Variants in METTL15 observed in about 807,000 individuals in gnomAD.
METTL15 encodes methyltransferase 15, mitochondrial 12S rRNA N4-cytidine, also known as 12S rRNA N(4)-cytidine methyltransferase METTL15.
Under a neutral mutation model 38.3 loss-of-function variants are expected in METTL15, and 34 were observed. The ratio of observed to expected loss-of-function variants is 0.89; its 90% CI spans 0.68 to 1.18. The LOEUF (loss-of-function observed/expected upper bound fraction) is 1.18. METTL15 is among the 50% of genes most tolerant of loss of function. The probability of loss-of-function intolerance (pLI) is 0.00; values close to 1 mark genes in which losing one functional copy is unlikely to be tolerated. For missense variants in METTL15, 438 were observed against 498.4 expected (o/e 0.88, Z 1.15); for synonymous variants, 162 against 170.9 (o/e 0.95, Z 0.41).
chr11:28,282,257 G>A (rs1856083707), intron 4 of METTL15, among the ~76,000 whole-genome samples: 1 of 152,116 alleles, frequency 6.6e-6, no homozygotes, highest in African/African-American at 2.4e-5. Context: ...TTCTGGCACG[G>A]GAACCTTGCC....
At chr11:28,317,018 T>C (rs1857503208) in intron 6 of METTL15, among the ~76,000 whole-genome samples, 1 of 152,178 alleles carries the variant, frequency 6.6e-6, no homozygotes, top group South Asian at 2.1e-4. Flanking sequence ...TATTGAAAAA[T>C]AGTTATGAAA....
intron 3 of METTL15, among the ~76,000 whole-genome samples, chr11:28,138,565 T>A (rs1170024373): frequency 6.6e-6 from 1 of 152,184 alleles, no homozygotes; most frequent in Non-Finnish European, 1.5e-5. Context: ...CTAGAATCTT[T>A]AAAGGTGGCT....
chr11:28,190,691 A>AAT lies in METTL15; in HGVS notation c.271-20369_271-20368dup, dbSNP rs1378394750. 2.0e-5 allele frequency among the ~76,000 whole-genome samples: 3 copies of AAT among 151,410 alleles called. No homozygotes were observed. In the East Asian group the frequency reaches 5.8e-4, roughly 29 times the overall value. On this transcript the variant is annotated intron_variant, in intron 3 of 6. Coordinates refer to ENST00000407364, the MANE Select transcript of METTL15 (RefSeq NM_001113528.2). The stretch of plus-strand genomic sequence containing the variant: ...TATGATGCTTATATATGAAGTGTTT[A>AAT]ATAATTTTCTACTGAATTAGGAATG...
intron 6 of METTL15, among the ~76,000 whole-genome samples, chr11:28,433,158 G>GT (rs1564930335): frequency 8.8e-6 from 1 of 113,624 alleles, no homozygotes. Context: ...CTCAGGTTTT[G>GT]TTTTGTTTTT....
intron 6 of METTL15, among the ~76,000 whole-genome samples, chr11:28,435,542 A>C (rs1156486400): frequency 6.6e-6 from 1 of 152,186 alleles, no homozygotes; most frequent in African/African-American, 2.4e-5. Context: ...TTTCTTGCCC[A>C]CTTCAGAAGA....
At position 28,438,406 on chromosome 11, in the gene METTL15, A is replaced by T. The variant is rs1851001966; in HGVS notation, c.*424+14042A>T. On this transcript the variant is annotated intron_variant and NMD_transcript_variant, in intron 6 of 7. Transcript: ENST00000532947. ...TGTCCTACATCGGGTTGTCTGGTAG[A>T]TCTTAAAGTCCTTCCTTTGGTCCCA... is the stretch of plus-strand genomic sequence containing the variant. 2.0e-5 allele frequency among the ~76,000 whole-genome samples: 3 copies of T among 152,272 alleles called. No homozygotes were observed. The South Asian group carries it at 6.2e-4, about 32-fold the overall frequency.
At chr11:28,339,029 G>A (rs905159685) in intron 3 of METTL15, among the ~76,000 whole-genome samples, 2 of 152,078 alleles carry the variant, frequency 1.3e-5, no homozygotes, top group Admixed American at 6.6e-5. Context: ...AGTCTTTTGG[G>A]AAGTACATGT....
At chr11:28,373,955 T>C (rs1199428080) in intron 5 of METTL15, among the ~76,000 whole-genome samples, 1 of 152,174 alleles carries the variant, frequency 6.6e-6, no homozygotes, top group East Asian at 1.9e-4. Flanking sequence ...TTGTCAGGTT[T>C]GTCAAAGATC....
intron 6 of METTL15, among the ~76,000 whole-genome samples, chr11:28,515,530 A>G (rs1357193171): frequency 6.6e-6 from 1 of 152,226 alleles, no homozygotes; most frequent in East Asian, 1.9e-4. Flanking sequence ...TATGGGCTAC[A>G]TATGGCCCTT....
intron 6 of METTL15, among the ~76,000 whole-genome samples, chr11:28,491,645 A>G (rs1851495794): frequency 2.0e-5 from 3 of 152,106 alleles, no homozygotes; most frequent in Admixed American, 6.6e-5. Flanking sequence ...AATCAAATCC[A>G]TGGGTAAAAC....
intron 3 of METTL15, among the ~76,000 whole-genome samples, chr11:28,165,740 C>G (rs1053823982): frequency 6.6e-6 from 1 of 151,872 alleles, no homozygotes; most frequent in African/African-American, 2.4e-5. Context: ...GGATCAATGT[C>G]GTGGAGCTTT....
chr11:28,222,394 C>T (rs145103608), intron 4 of METTL15, among the ~76,000 whole-genome samples: 25 of 152,318 alleles, frequency 1.6e-4, no homozygotes, highest in African/African-American at 2.6e-4. Context: ...TTGCTAAGAC[C>T]GTCAGAAAAG....
At chr11:28,238,903 A>C (rs1017434908) in intron 4 of METTL15, among the ~76,000 whole-genome samples, 2 of 152,236 alleles carry the variant, frequency 1.3e-5, no homozygotes, top group Non-Finnish European at 2.9e-5. Flanking sequence ...CACATAAGCC[A>C]TCAGCATCGT....
intron 5 of METTL15, among the ~76,000 whole-genome samples, chr11:28,386,805 T>A (rs1320048590): frequency 6.6e-6 from 1 of 151,956 alleles, no homozygotes; most frequent in Admixed American, 6.6e-5. Context: ...GATTCCGTGT[T>A]AGATCACAAG....
chr11:28,122,334 T>TAC lies in METTL15; in HGVS notation c.270+8730_270+8731insAC, dbSNP rs1491183291. ...ATCCTAGTATATAGATGTGTGTATA[T>TAC]GTGTGTGTGTGTGTGTGTGTGTGTG... On this transcript the variant is annotated intron_variant, in intron 3 of 6. Transcript: ENST00000407364. Among the ~76,000 whole-genome samples, 78 of 12,406 alleles carry TAC rather than the reference T, an allele frequency of 6.3e-3. 1 individual carries two copies. The highest frequency in any genetic ancestry group is 0.02 in the African/African-American group (76 of 3,892). 8.1% of individuals were successfully genotyped at this position (12,406 alleles called of 152,430 possible). A position where few individuals can be genotyped will look rare whatever the true frequency, so the allele number is the denominator to read the frequency against.
intron 6 of METTL15, among the ~76,000 whole-genome samples, chr11:28,313,257 ATGATAGGTACT>A (rs1392969408): frequency 1.3e-5 from 2 of 152,204 alleles, no homozygotes; most frequent in African/African-American, 4.8e-5. Flanking sequence ...TTCTGGGCAC[ATGATAGGTACT>A]TGACAAAAGA....
intron 3 of METTL15, among the ~76,000 whole-genome samples, chr11:28,148,140 T>A (rs919427414): frequency 2.0e-5 from 3 of 151,938 alleles, no homozygotes; most frequent in Non-Finnish European, 2.9e-5. Flanking sequence ...ATCTTGGGAA[T>A]ATAGTTTTTC....
chr11:28,454,083 ATGGACT>A (rs1312795364), intron 6 of METTL15, among the ~76,000 whole-genome samples: 1 of 152,222 alleles, frequency 6.6e-6, no homozygotes, highest in Non-Finnish European at 1.5e-5. Context: ...CCTCTGATTG[ATGGACT>A]TGGAATTGTT....
chr11:28,424,706 A>G (rs1261257256), intron 6 of METTL15, among the ~76,000 whole-genome samples: 1 of 152,188 alleles, frequency 6.6e-6, no homozygotes, highest in Non-Finnish European at 1.5e-5. Context: ...CCATTAGGCC[A>G]CACACAGAAG....
Sources: allele counts gnomAD v4.1 joint callset (sites outside exome capture counted in the v4.1 genomes callset), GRCh38; gene constraint gnomAD v4.1.1; transcripts MANE v1.5; gene names NCBI Gene and HGNC (gene_info 2026-07-23, HGNC 2026-07-21).